The following ZNF304 variants were observed in gnomAD, a reference collection of about 807,000 sequenced individuals.
ZNF304 encodes the protein KRAB-containing zinc finger protein.
Under a neutral mutation model 7.8 loss-of-function variants are expected in ZNF304, and 7 were observed. The observed-to-expected ratio is 0.90, with a 90% confidence interval of 0.51 to 1.69. The LOEUF is 1.69. Among genes scored for constraint, ZNF304 ranks in the 40% most tolerant of loss-of-function variants. The pLI is 0.00. For synonymous variants in ZNF304, 280 were observed against 272.4 expected (o/e 1.03, Z -0.27); for missense variants, 669 against 804.8 (o/e 0.83, Z 2.04).
In ZNF304 at chr19:57,356,225, G is replaced by C; in HGVS notation, c.356G>C (p.Arg119Pro). 1.2e-6 allele frequency: 2 copies of C among 1,614,176 alleles called. No homozygotes were observed. The highest frequency in any genetic ancestry group is 1.6e-4 in the Middle Eastern group (1 of 6,062). Residue 119 changes from arginine (R) to proline (P), a missense_variant, in exon 3 of 3, where the codon CGT becomes CCT. Physicochemically the swap from Arg to Pro is moderately radical, Grantham distance 103. Transcript: ENST00000282286. ...CACCTTACACAGAAACTGTGCACAC[G>C]TGGGCTGTGTAGGAGAAGATTCTCG... ...GSHLTQKLCTRGLCRRRFSFS... is the reference protein window; with the variant it reads ...GSHLTQKLCTPGLCRRRFSFS...
At chr19:57,352,507 A>T (rs901063822) in intron 1 of ZNF304, 1 of 152,170 alleles carries the variant, frequency 6.6e-6, no homozygotes, top group Non-Finnish European at 1.5e-5. Flanking sequence ...GGTCTTAATT[A>T]CCTTTGTTGG....
Position 57,357,715 on chromosome 19 carries a change from G to A in ZNF304, c.1846G>A (p.Val616Ile), listed in dbSNP as rs750743163. Residue 616 changes from valine (V) to isoleucine (I), a missense_variant, in exon 3 of 3, where the codon GTA becomes ATA. By Grantham distance (29) the Val-to-Ile change is conservative. Coordinates refer to ENST00000282286, the MANE Select transcript of ZNF304 (RefSeq NM_020657.4). ...GGTTCACACTGGAGAAAAGCCTTAC[G>A]TATGCAGCGAATGTGGGAAAGCCTA... ...QRVHTGEKPYVCSECGKAYSR... is the reference protein window; with the variant it reads ...QRVHTGEKPYICSECGKAYSR... 20 of 1,614,082 alleles carry A rather than the reference G, an allele frequency of 1.2e-5. No individual in the cohort carries two copies. In the South Asian group the frequency reaches 1.4e-4, roughly 12 times the overall value.
At chr19:57,352,367 T>C (rs1468689635) in intron 1 of ZNF304, among the ~76,000 whole-genome samples, 2 of 152,080 alleles carry the variant, frequency 1.3e-5, no homozygotes, top group Admixed American at 1.3e-4. Context: ...GGCCATGAGT[T>C]GTATGGAGTT....
chr19:57,359,289 C>T lies in ZNF304; in HGVS notation c.*1440C>T, dbSNP rs1397443207. On this transcript the variant is annotated 3_prime_UTR_variant, in exon 3 of 3. Transcript: ENST00000282286. ...TCCGAGTGACTGAGGTGGATGTGGA[C>T]ATCATTGCTTACCAATTTTTACCAA... is the stretch of plus-strand genomic sequence containing the variant. 6.6e-6 allele frequency: 1 copy of T among 152,216 alleles called. No individual in the cohort carries two copies. Among genetic ancestry groups the T allele is most frequent in the African/African-American group, 2.4e-5 (1 of 41,454 alleles). 9.4% of individuals were successfully genotyped at this position (152,216 alleles called of 1,614,324 possible). A position where few individuals can be genotyped will look rare whatever the true frequency, so the allele number is the denominator to read the frequency against.
chr19:57,353,765 G>A lies in ZNF304; in HGVS notation c.74G>A (p.Arg25Gln), dbSNP rs762660868. The A allele has an allele frequency of 5.6e-6, 9 of 1,613,504 alleles. No individual in the cohort carries two copies. The highest frequency in any genetic ancestry group is 4.0e-5 in the African/African-American group (3 of 74,858). The change falls in exon 2 of 3, where the codon CGG becomes CAG. Residue 25 changes from arginine to glutamine, a missense_variant. Transcript: ENST00000282286. Reference sequence around the variant, plus strand: ...GAGGATGTGTTCGTGTACTTCTCTCGGGAGGAGTGGGAACTCCTTGAGGAG... The same window carrying A: ...GAGGATGTGTTCGTGTACTTCTCTCAGGAGGAGTGGGAACTCCTTGAGGAG... ...TFEDVFVYFS[R>Q]EEWELLEEAQ...
rs772047179 is a variant in ZNF304 at position 57,351,727 on chromosome 19, C to G, written c.33+30C>G. ...GTGGGGGCATCCCTCAAGCGCACCC[C>G]GGCCTGGTTGGTGTGTCCTGGGATG... On this transcript the variant is annotated intron_variant, in intron 1 of 2. Coordinates refer to ENST00000282286, the MANE Select transcript of ZNF304 (RefSeq NM_020657.4). The surrounding 1 kb of genome is among the most constrained non-coding windows in gnomAD (Gnocchi z 4.1). 8 of 1,603,088 alleles carry G rather than the reference C, an allele frequency of 5.0e-6. No individual in the cohort carries two copies. The highest frequency in any genetic ancestry group is 6.8e-6 in the Non-Finnish European group (8 of 1,174,300).
At position 57,356,142 on chromosome 19, in the gene ZNF304, T is replaced by C; in HGVS notation, c.273T>C (p.Cys91=). Residue 91 remains cysteine, a synonymous_variant, in exon 3 of 3, where the codon TGT becomes TGC. Coordinates refer to ENST00000282286, the MANE Select transcript of ZNF304 (RefSeq NM_020657.4). ...ESGLFQKAHP[C]EMCDPLLKDI... is the part of the protein sequence containing the mutation. ...GTCTTTTCCAGAAAGCACACCCATG[T>C]GAGATGTGTGACCCACTCTTGAAAG... 4 of 1,614,244 alleles carry C rather than the reference T, an allele frequency of 2.5e-6. No homozygotes were observed. The highest frequency in any genetic ancestry group is 3.4e-6 in the Non-Finnish European group (4 of 1,180,034).
rs916799045 is a variant in ZNF304 at position 57,351,790 on chromosome 19, C to G, written c.33+93C>G. On this transcript the variant is annotated intron_variant, in intron 1 of 2. Coordinates refer to ENST00000282286, the MANE Select transcript of ZNF304 (RefSeq NM_020657.4). This position sits in a 1 kb window ranked among gnomAD's most constrained non-coding sequence, Gnocchi z 4.1. The stretch of plus-strand genomic sequence containing the variant: ...GCGCACTTCAGGGTGCTCACTCCGT[C>G]GCATTATGTGGAGGGGTTCCGCTCC... 1 of 1,405,620 alleles carries G rather than the reference C, an allele frequency of 7.1e-7. No individual in the cohort carries two copies. The highest frequency in any genetic ancestry group is 9.7e-7 in the Non-Finnish European group (1 of 1,028,998). The allele number at this position is 1,405,620 out of a possible 1,614,324, so 87.1% of individuals were successfully genotyped here.
rs2088273910 is a variant in ZNF304, at chr19:57,351,546, G to A, written c.-119G>A. On this transcript the variant is annotated 5_prime_UTR_variant, in exon 1 of 3. Transcript: ENST00000282286. This position sits in a 1 kb window ranked among gnomAD's most constrained non-coding sequence, Gnocchi z 4.1. The stretch of plus-strand genomic sequence containing the variant: ...AAGCAGCCGCCTTAGTCTTGTGAGC[G>A]TTTTTACACCGGGTAGATTGAGACT... 5 of 1,307,062 alleles carry A rather than the reference G, an allele frequency of 3.8e-6. No individual in the cohort carries two copies. The highest frequency in any genetic ancestry group is 5.4e-6 in the Non-Finnish European group (5 of 917,850). The allele number at this position is 1,307,062 out of a possible 1,614,324, so 81.0% of individuals were successfully genotyped here. A position where few individuals can be genotyped will look rare whatever the true frequency, so the allele number is the denominator to read the frequency against.
At position 57,357,897 on chromosome 19, in the gene ZNF304, T is replaced by G. The variant is rs752785274; in HGVS notation, c.*48T>G. 2 of 1,543,212 alleles carry G rather than the reference T, an allele frequency of 1.3e-6. No individual in the cohort carries two copies. The highest frequency in any genetic ancestry group is 1.7e-6 in the Non-Finnish European group (2 of 1,150,154). Reference sequence around the variant, plus strand: ...AAAGGCCTTATGAATGCAGAAAATATGTCATCTTGTTCATCCTCATAGGAC... The same window carrying G: ...AAAGGCCTTATGAATGCAGAAAATAGGTCATCTTGTTCATCCTCATAGGAC... On this transcript the variant is annotated 3_prime_UTR_variant, in exon 3 of 3. Coordinates refer to ENST00000282286, the MANE Select transcript of ZNF304 (RefSeq NM_020657.4).
At chr19:57,353,199 G>A (rs976896903) in intron 1 of ZNF304, among the ~76,000 whole-genome samples, 8 of 152,188 alleles carry the variant, frequency 5.3e-5, no homozygotes, top group South Asian at 2.1e-4. Flanking sequence ...GTGAAGACGC[G>A]AGCGCTTCCT....
chr19:57,353,762 C>G lies in ZNF304; in HGVS notation c.71C>G (p.Ser24Cys), dbSNP rs2122977675. Residue 24 changes from serine (S) to cysteine (C), a missense_variant, in exon 2 of 3, where the codon TCT becomes TGT. Physicochemically the swap from Ser to Cys is moderately radical, Grantham distance 112 (BLOSUM62 -1). Transcript: ENST00000282286. ...TTCGAGGATGTGTTCGTGTACTTCT[C>G]TCGGGAGGAGTGGGAACTCCTTGAG... is the stretch of plus-strand genomic sequence containing the variant. ...VTFEDVFVYF[S>C]REEWELLEEA... The G allele has an allele frequency of 1.2e-6, 2 of 1,613,496 alleles. No homozygotes were observed. The highest frequency in any genetic ancestry group is 2.2e-5 in the South Asian group (2 of 91,026).
At chr19:57,355,440 A>G (rs1988483494) in intron 2 of ZNF304, 2 of 729,446 alleles carry the variant, frequency 2.7e-6, no homozygotes, top group African/African-American at 3.5e-5. Flanking sequence ...TTCAAATCGA[A>G]CCTTCAACTT....
chr19:57,357,910 A>G lies in ZNF304; in HGVS notation c.*61A>G. ...ATGCAGAAAATATGTCATCTTGTTC[A>G]TCCTCATAGGACTCACACCAGAGCA... On this transcript the variant is annotated 3_prime_UTR_variant, in exon 3 of 3. Transcript: ENST00000282286. The G allele has an allele frequency of 6.5e-7, 1 of 1,534,182 alleles. No individual in the cohort carries two copies. The highest frequency in any genetic ancestry group is 8.7e-7 in the Non-Finnish European group (1 of 1,145,298).
chr19:57,353,955 G>A, intron 2 of ZNF304, 104 bp downstream of exon 2: 2 of 950,388 alleles, frequency 2.1e-6, no homozygotes, highest in Non-Finnish European at 3.1e-6. Context: ...CAGTGCATTG[G>A]TAATCTGGTT....
chr19:57,354,182 T>G (rs768332521), intron 2 of ZNF304, among the ~76,000 whole-genome samples: 4 of 152,090 alleles, frequency 2.6e-5, no homozygotes, highest in Non-Finnish European at 5.9e-5. Context: ...GCTATTTTAC[T>G]TTTTGTAGAG....
chr19:57,355,348 A>G (rs768865377), intron 2 of ZNF304: 13 of 765,340 alleles, frequency 1.7e-5, no homozygotes, highest in South Asian at 1.3e-4. Context: ...GGCAGACATC[A>G]CTGCAGCCAC....
chr19:57,358,831 C>T lies in ZNF304; in HGVS notation c.*982C>T, dbSNP rs527784226. 1.3e-5 allele frequency: 2 copies of T among 152,338 alleles called. No individual in the cohort carries two copies. Among genetic ancestry groups the T allele is most frequent in the African/African-American group, 2.4e-5 (1 of 41,566 alleles). 9.4% of individuals were successfully genotyped at this position (152,338 alleles called of 1,614,324 possible). ...CATAAGTTGGGTCCCTTAACTGTCA[C>T]GTACTCCCCAGCACTGTTGAGGGAT... On this transcript the variant is annotated 3_prime_UTR_variant, in exon 3 of 3. Transcript: ENST00000282286.
At position 57,351,681 on chromosome 19, in the gene ZNF304, T is replaced by C. The variant is rs369339418; in HGVS notation, c.17T>C (p.Leu6Pro). MAAAV[L>P]MDRVQSCVTF... is the part of the protein sequence containing the mutation. ...CCGCTTCTCATGGCAGCGGCGGTGC[T>C]GATGGACCGGGTTCAGGTGAGTGGG... The change falls in exon 1 of 3, where the codon CTG (leucine) becomes CCG (proline). Residue 6 changes from leucine (L) to proline (P), a missense_variant. Transcript: ENST00000282286. This position sits in a 1 kb window ranked among gnomAD's most constrained non-coding sequence, Gnocchi z 4.1. 2 of 1,613,000 alleles carry C rather than the reference T, an allele frequency of 1.2e-6. No homozygotes were observed. Among genetic ancestry groups the C allele is most frequent in the Non-Finnish European group, 1.7e-6 (2 of 1,179,570 alleles).
Sources: allele counts gnomAD v4.1 joint callset (sites outside exome capture counted in the v4.1 genomes callset), GRCh38; gene constraint gnomAD v4.1.1; non-coding constraint Gnocchi (gnomAD v3.1); transcripts MANE v1.5; gene names NCBI Gene and HGNC (gene_info 2026-07-23, HGNC 2026-07-21).